LETM1: variants seen among roughly 807,000 people sequenced by gnomAD.
LETM1 encodes the protein mitochondrial proton/calcium exchanger protein.
LETM1 carries 50 observed loss-of-function variants against 74.5 expected under a neutral mutation model. That is an observed-to-expected ratio of 0.67 (90% confidence interval 0.53 to 0.85). The LOEUF is 0.85. Among genes scored for constraint, LETM1 ranks in the 40% least tolerant of loss-of-function variants. The pLI, the probability that LETM1 is intolerant of heterozygous loss-of-function variation, is 0.00. For synonymous variants in LETM1, 446 were observed against 407.1 expected (o/e 1.10, Z -1.15); for missense variants, 824 against 967.8 (o/e 0.85, Z 1.97).
chr4:1,817,727 A>G (rs891206809), intron 11 of LETM1, among the ~76,000 whole-genome samples: 4 of 152,192 alleles, frequency 2.6e-5, no homozygotes, highest in Non-Finnish European at 4.4e-5. Flanking sequence ...AATTTCCTTC[A>G]CATTTGTTAA....
chr4:1,842,978 C>A, intron 2 of LETM1: 4 of 328,282 alleles, frequency 1.2e-5, no homozygotes, highest in Admixed American at 7.7e-5. Context: ...TGATTGGACA[C>A]AAATCCCCCC....
In LETM1 at chr4:1,823,017, T is replaced by C. The variant is rs775891100; in HGVS notation, c.1447A>G (p.Lys483Glu). The C allele has an allele frequency of 2.5e-6, 4 of 1,606,308 alleles. No homozygotes were observed. The Admixed American group carries it at 6.7e-5, about 27-fold the overall frequency. The change falls in exon 9 of 14, where the codon AAG becomes GAG. Residue 483 changes from lysine to glutamate, a missense_variant. Transcript: ENST00000302787. The part of the protein sequence containing the change: ...EAAIQQEHRE[K>E]ELQKRSEVAK... ...ACCTCCGAGCGCTTCTGCAGCTCCT[T>C]CTCACGGTGCTCCTGCTGGATGGCC...
Position 1,822,995 on chromosome 4 carries a change from TC to T in LETM1, c.1468del (p.Glu490ArgfsTer12). On this transcript the variant is annotated frameshift_variant, in exon 9 of 14. Coordinates refer to ENST00000302787, the MANE Select transcript of LETM1 (RefSeq NM_012318.3). LOFTEE classifies it high-confidence loss of function. ...AGCAGGACCACCGCTTACCGCCACC[TC>T]CGAGCGCTTCTGCAGCTCCTTCTCA... The part of the protein sequence containing the change: ...HREKELQKRS[E>X]VAKDFEPERV... The T allele has an allele frequency of 6.3e-7, 1 of 1,585,846 alleles. No individual in the cohort carries two copies. Among genetic ancestry groups the T allele is most frequent in the Non-Finnish European group, 8.6e-7 (1 of 1,163,524 alleles).
At chr4:1,822,102 C>A in intron 10 of LETM1, 79 bp downstream of exon 10, 1 of 1,314,104 alleles carries the variant, frequency 7.6e-7, no homozygotes, top group Non-Finnish European at 9.9e-7. Flanking sequence ...TAACCTGTCC[C>A]CATCCCTGCC....
At chr4:1,833,702 G>C (rs896678819) in intron 5 of LETM1, 14 of 152,434 alleles carry the variant, frequency 9.2e-5, no homozygotes, top group African/African-American at 3.4e-4. Context: ...CACCAGCTCA[G>C]TCTCTGCCAA....
chr4:1,826,665 C>T (rs765906014), intron 6 of LETM1, among the ~76,000 whole-genome samples: 3 of 152,264 alleles, frequency 2.0e-5, no homozygotes, highest in Non-Finnish European at 2.9e-5. Context: ...CACTGCCATG[C>T]GGCATTCTGC....
At chr4:1,851,290 G>A (rs1033061897) in intron 1 of LETM1, among the ~76,000 whole-genome samples, 1 of 152,136 alleles carries the variant, frequency 6.6e-6, no homozygotes, top group African/African-American at 2.4e-5. Flanking sequence ...CCAAGCAGTG[G>A]GGTTGCAATG....
chr4:1,834,503 A>G lies in LETM1; in HGVS notation c.876+342T>C. The G allele has an allele frequency of 9.2e-7, 1 of 1,084,570 alleles. No homozygotes were observed. The highest frequency in any genetic ancestry group is 1.7e-5 in the African/African-American group (1 of 60,222). The allele number at this position is 1,084,570 out of a possible 1,614,324, so 67.2% of individuals were successfully genotyped here. ...TGACTCCAGCCAGAGGGCAATGCCC[A>G]GCAGAGGAGCCCGGCCAAGCCACCC... On this transcript the variant is annotated intron_variant, in intron 5 of 13. Transcript: ENST00000302787. This position sits in a 1 kb window ranked among gnomAD's most constrained non-coding sequence, Gnocchi z 5.0.
At chr4:1,818,709 A>C (rs1299198533) in intron 11 of LETM1, among the ~76,000 whole-genome samples, 1 of 152,202 alleles carries the variant, frequency 6.6e-6, no homozygotes, top group Non-Finnish European at 1.5e-5. Context: ...AAGAAAAGAA[A>C]AAAGCCACTT....
At chr4:1,849,627 G>A (rs1025265685) in intron 1 of LETM1, among the ~76,000 whole-genome samples, 2 of 152,130 alleles carry the variant, frequency 1.3e-5, no homozygotes, top group East Asian at 3.9e-4. Flanking sequence ...TACAGTCACG[G>A]CTCCCTGCAG....
intron 13 of LETM1, 31 bp downstream of exon 13, chr4:1,815,633 G>T: frequency 6.2e-7 from 1 of 1,611,930 alleles, no homozygotes; most frequent in South Asian, 1.1e-5. Context: ...GCAGGTGGCG[G>T]ATGGCCTGCG....
chr4:1,824,097 C>T (rs1339138328), intron 7 of LETM1, among the ~76,000 whole-genome samples: 3 of 152,098 alleles, frequency 2.0e-5, no homozygotes, highest in Non-Finnish European at 4.4e-5. Context: ...CCGAGGTGGG[C>T]GGATCACCTG....
At position 1,823,225 on chromosome 4, in the gene LETM1, C is replaced by T. The variant is rs1305003022; in HGVS notation, c.1333-94G>A. The T allele has an allele frequency of 2.8e-5, 40 of 1,410,814 alleles. 1 individual carries two copies. The highest frequency in any genetic ancestry group is 1.9e-4 in the Middle Eastern group (1 of 5,306). 87.4% of individuals were successfully genotyped at this position (1,410,814 alleles called of 1,614,324 possible). A position where few individuals can be genotyped will look rare whatever the true frequency, so the allele number is the denominator to read the frequency against. Reference sequence around the variant, plus strand: ...GTCCTGTGTCCTGTGTCCCCTGCCCCGTCACCACCTGGGCTTCACACACAC... The same window carrying T: ...GTCCTGTGTCCTGTGTCCCCTGCCCTGTCACCACCTGGGCTTCACACACAC... On this transcript the variant is annotated intron_variant, in intron 8 of 13. Coordinates refer to ENST00000302787, the MANE Select transcript of LETM1 (RefSeq NM_012318.3).
At chr4:1,853,131 C>T (rs1283227505) in intron 1 of LETM1, among the ~76,000 whole-genome samples, 1 of 152,180 alleles carries the variant, frequency 6.6e-6, no homozygotes, top group Non-Finnish European at 1.5e-5. Context: ...TGCTCCTCCC[C>T]AAGTCCTCCC....
rs1462734005 is a variant in LETM1, at chr4:1,815,800, TC to T, written c.1933del (p.Glu645ArgfsTer13). 1 of 1,613,832 alleles carries T rather than the reference TC, an allele frequency of 6.2e-7. No individual in the cohort carries two copies. The highest frequency in any genetic ancestry group is 1.7e-5 in the Admixed American group (1 of 60,004). On this transcript the variant is annotated frameshift_variant and splice_region_variant, in exon 13 of 14. Transcript: ENST00000302787. LOFTEE classifies it high-confidence loss of function. ...GAGCTCAGCGACACTGATGACGTTC[TC>T]CCTGTGGAAGCACAGCCTGCATGTG... ...LAPANGMPTGENVISVAELIN... is the reference protein window; with the variant it reads ...LAPANGMPTGXNVISVAELIN...
chr4:1,841,811 G>A lies in LETM1; in HGVS notation c.144-14C>T. 6.3e-7 allele frequency: 1 copy of A among 1,593,744 alleles called. No individual in the cohort carries two copies. Among genetic ancestry groups the A allele is most frequent in the South Asian group, 1.1e-5 (1 of 90,016 alleles). On this transcript the variant is annotated splice_polypyrimidine_tract_variant and intron_variant, in intron 2 of 13. Transcript: ENST00000302787. ...AATGGAACATTCCTTGAAAAGGGAA[G>A]AGTGGAAAACAGTAGTAAGAGCCAG...
At position 1,841,814 on chromosome 4, in the gene LETM1, T is replaced by C. The variant is rs748357588; in HGVS notation, c.144-17A>G. On this transcript the variant is annotated splice_polypyrimidine_tract_variant and intron_variant, in intron 2 of 13. Transcript: ENST00000302787. ...GGAACATTCCTTGAAAAGGGAAGAG[T>C]GGAAAACAGTAGTAAGAGCCAGCAC... 11 of 1,581,606 alleles carry C rather than the reference T, an allele frequency of 7.0e-6. No individual in the cohort carries two copies. Among genetic ancestry groups the C allele is most frequent in the South Asian group, 4.5e-5 (4 of 89,474 alleles).
intron 9 of LETM1, 21 bp from the exon 10 acceptor site, chr4:1,822,333 A>G (rs2108838251): frequency 6.9e-7 from 1 of 1,458,622 alleles, no homozygotes; most frequent in Non-Finnish European, 9.2e-7. Context: ...AGGCGACACC[A>G]GCCCAGCGCC....
chr4:1,833,441 A>G (rs1182006081), intron 5 of LETM1: 1 of 172,376 alleles, frequency 5.8e-6, no homozygotes, highest in Non-Finnish European at 1.3e-5. Flanking sequence ...GCTGGGGGAG[A>G]CGCCCGGGCC....
Sources: gnomAD v4.1 joint callset for allele counts (sites outside exome capture counted in the v4.1 genomes callset) on GRCh38, gnomAD v4.1.1 for gene constraint, Gnocchi (gnomAD v3.1) non-coding constraint, MANE v1.5 for transcripts, NCBI Gene and HGNC (gene_info 2026-07-23, HGNC 2026-07-21) for gene names.